Variants in GRID2 observed in about 807,000 individuals in gnomAD.
GRID2 encodes glutamate receptor ionotropic, delta-2.
A neutral mutation model predicts 114.8 loss-of-function variants in GRID2; 33 were observed. The ratio of observed to expected loss-of-function variants is 0.29; its 90% confidence interval spans 0.22 to 0.38. The LOEUF is 0.38. Among genes scored for constraint, GRID2 ranks in the 10% least tolerant of loss-of-function variants. The pLI is 1.00. For missense variants in GRID2, 1,184 were observed against 1,257.7 expected, an observed-to-expected ratio of 0.94 and a Z score of 0.89; for synonymous variants, 505 against 449.9, an observed-to-expected ratio of 1.12 and a Z score of -1.55.
At chr4:92,365,351 A>G (rs1728803992) in intron 1 of GRID2, among the ~76,000 whole-genome samples, 1 of 152,104 alleles carries the variant, frequency 6.6e-6, no homozygotes, top group Non-Finnish European at 1.5e-5. Flanking sequence ...AATCTAGAGA[A>G]CATTATGCTA....
intron 1 of GRID2, among the ~76,000 whole-genome samples, chr4:92,545,126 G>A (rs563827009): frequency 1.3e-4 from 20 of 151,804 alleles, no homozygotes; most frequent in African/African-American, 4.3e-4. Flanking sequence ...CTGACTTTTA[G>A]CTTCAAACTT....
chr4:92,647,280 A>G (rs1397612792), intron 2 of GRID2, among the ~76,000 whole-genome samples: 2 of 152,174 alleles, frequency 1.3e-5, no homozygotes, highest in Non-Finnish European at 1.5e-5. Flanking sequence ...GTAAAATTAT[A>G]TAATTGCTTT....
chr4:93,654,471 G>T (rs1722837704), intron 14 of GRID2, among the ~76,000 whole-genome samples: 1 of 152,060 alleles, frequency 6.6e-6, no homozygotes, highest in Non-Finnish European at 1.5e-5. Flanking sequence ...TCAGTCACTT[G>T]CAATATTTCA....
chr4:93,215,840 C>G (rs938441060), intron 5 of GRID2, among the ~76,000 whole-genome samples: 3 of 151,840 alleles, frequency 2.0e-5, no homozygotes, highest in African/African-American at 7.2e-5. Context: ...CACTGCAACC[C>G]AAAACTTATT....
At chr4:92,787,195 A>T (rs1013929049) in intron 2 of GRID2, among the ~76,000 whole-genome samples, 1 of 152,060 alleles carries the variant, frequency 6.6e-6, no homozygotes, top group East Asian at 1.9e-4. Flanking sequence ...AGTTACTTTG[A>T]TAAACATAAA....
chr4:92,635,812 A>T (rs1187151965), intron 2 of GRID2, among the ~76,000 whole-genome samples: 1 of 152,124 alleles, frequency 6.6e-6, no homozygotes, highest in Admixed American at 6.6e-5. Flanking sequence ...AATCCTTAGA[A>T]AAGTCATTTT....
intron 1 of GRID2, among the ~76,000 whole-genome samples, chr4:93,784,071 CAAAAAAAAAAA>C (rs70942993): frequency 0.015 from 583 of 38,998 alleles, 10 homozygotes; most frequent in African/African-American, 0.063. Context: ...GACTCCGTCT[CAAAAAAAAAAA>C]AAAAAAAAAA....
chr4:93,382,775 C>A (rs2149310853), intron 8 of GRID2, among the ~76,000 whole-genome samples: 1 of 151,928 alleles, frequency 6.6e-6, no homozygotes, highest in South Asian at 2.1e-4. Flanking sequence ...ATGAGCCATT[C>A]TTTCCTGTTT....
chr4:92,450,961 T>C (rs1272145434), intron 1 of GRID2, among the ~76,000 whole-genome samples: 3 of 151,020 alleles, frequency 2.0e-5, no homozygotes, highest in East Asian at 1.9e-4. Flanking sequence ...AAATTTATTA[T>C]AGTGACCATA....
intron 2 of GRID2, among the ~76,000 whole-genome samples, chr4:92,763,179 A>G (rs912913602): frequency 6.6e-6 from 1 of 152,188 alleles, no homozygotes; most frequent in Non-Finnish European, 1.5e-5. Context: ...AACTTAATAA[A>G]GATCTTTTAT....
chr4:92,580,328 TAAAGAAG>T (rs1560469846), intron 1 of GRID2, among the ~76,000 whole-genome samples: 2 of 138,560 alleles, frequency 1.4e-5, no homozygotes, highest in Non-Finnish European at 3.3e-5. Flanking sequence ...ATTCATGTAA[TAAAGAAG>T]AAGAAAAAAA....
chr4:93,709,589 A>G (rs1728307551), intron 14 of GRID2, among the ~76,000 whole-genome samples: 1 of 152,140 alleles, frequency 6.6e-6, no homozygotes, highest in African/African-American at 2.4e-5. Flanking sequence ...TTGATGTTCT[A>G]TAATCTTCTT....
chr4:93,785,617 T>C (rs1734575763), intron 1 of GRID2, among the ~76,000 whole-genome samples: 1 of 152,182 alleles, frequency 6.6e-6, no homozygotes, highest in African/African-American at 2.4e-5. Context: ...ATAAAGAATT[T>C]AATACAAATT....
intron 2 of GRID2, among the ~76,000 whole-genome samples, chr4:92,640,375 T>G (rs946733349): frequency 1.3e-5 from 2 of 151,870 alleles, no homozygotes; most frequent in Non-Finnish European, 2.9e-5. Flanking sequence ...CATTTTTAGA[T>G]GTATTTATCA....
chr4:93,217,791 T>C (rs1330445194), intron 6 of GRID2, among the ~76,000 whole-genome samples: 1 of 152,120 alleles, frequency 6.6e-6, no homozygotes, highest in African/African-American at 2.4e-5. Flanking sequence ...AGTATAATGC[T>C]AGCATATAAG....
At chr4:93,587,541 T>A (rs1404105461) in intron 13 of GRID2, among the ~76,000 whole-genome samples, 1 of 152,114 alleles carries the variant, frequency 6.6e-6, no homozygotes, top group Non-Finnish European at 1.5e-5. Context: ...TTTTAAAACA[T>A]GTAATTTCTT....
intron 1 of GRID2, among the ~76,000 whole-genome samples, chr4:92,419,576 T>A (rs1195198145): frequency 6.6e-6 from 1 of 152,136 alleles, no homozygotes; most frequent in Non-Finnish European, 1.5e-5. Flanking sequence ...GTTAGGTGAT[T>A]GGGCAGGTTC....
chr4:93,186,391 C>G (rs990837671), intron 4 of GRID2, among the ~76,000 whole-genome samples: 2 of 152,136 alleles, frequency 1.3e-5, no homozygotes, highest in Non-Finnish European at 2.9e-5. Context: ...TCTCCACATC[C>G]TCTCCAGCAT....
In GRID2 at chr4:93,085,221, A is replaced by G. The variant is rs376732742; in HGVS notation, c.471A>G (p.Leu157=). 1.2e-6 allele frequency: 2 copies of G among 1,613,338 alleles called. No individual in the cohort carries two copies. The highest frequency in any genetic ancestry group is 2.2e-5 in the East Asian group (1 of 44,876). The change falls in exon 3 of 16, where the codon CTA becomes CTG. Residue 157 remains leucine, a synonymous_variant. Coordinates refer to ENST00000282020, the MANE Select transcript of GRID2 (RefSeq NM_001510.4). ...RPPVYLHDVI[L]RVVTEYAWQK... Reference sequence around the variant, plus strand: ...CTGTCTACTTGCATGATGTTATCCTAAGAGTGGTCACAGAGTATGCCTGGC... The same window carrying G: ...CTGTCTACTTGCATGATGTTATCCTGAGAGTGGTCACAGAGTATGCCTGGC...
Sources: allele counts gnomAD v4.1 joint callset (sites outside exome capture counted in the v4.1 genomes callset), GRCh38; gene constraint gnomAD v4.1.1; transcripts MANE v1.5; gene names NCBI Gene and HGNC (gene_info 2026-07-23, HGNC 2026-07-21).